NAA25: variants seen among roughly 807,000 people sequenced by gnomAD.
NAA25 encodes N-terminal acetyltransferase B complex subunit NAA25.
In NAA25, 30 loss-of-function variants were observed where a neutral mutation model predicts 132.5. That is an observed-to-expected ratio of 0.23 (90% CI 0.17 to 0.31). The LOEUF (loss-of-function observed/expected upper bound fraction) is 0.31, where lower values mean the gene tolerates loss of function less well. NAA25 is among the 10% of genes least tolerant of loss of function. The pLI, the probability that NAA25 is intolerant of heterozygous loss-of-function variation, is 1.00. For synonymous variants in NAA25, 359 were observed against 401.9 expected, an observed-to-expected ratio of 0.89 and a Z score of 1.28; for missense variants, 771 against 1,150.4, an observed-to-expected ratio of 0.67 and a Z score of 4.77.
chr12:112,058,424 C>T lies in NAA25; in HGVS notation c.1447+1846G>A, dbSNP rs978608560. Reference sequence around the variant, plus strand: ...ATGTGGGCACAGGCCAGATTATAAACAGCATTATAAACTATCCCAAAACAC... The same window carrying T: ...ATGTGGGCACAGGCCAGATTATAAATAGCATTATAAACTATCCCAAAACAC... On this transcript the variant is annotated intron_variant, in intron 13 of 23. Transcript: ENST00000261745. Among the ~76,000 whole-genome samples the T allele has an allele frequency of 4.6e-5, 7 of 152,218 alleles. 1 individual carries two copies. Among genetic ancestry groups the T allele is most frequent in the African/African-American group, 1.4e-4 (6 of 41,450 alleles).
At chr12:112,056,766 T>C (rs2078552454) in intron 13 of NAA25, among the ~76,000 whole-genome samples, 2 of 152,242 alleles carry the variant, frequency 1.3e-5, no homozygotes, top group South Asian at 2.1e-4. Flanking sequence ...CTTCACAAGA[T>C]CTACAATTTC....
At position 112,108,764 on chromosome 12, in the gene NAA25, G is replaced by T; in HGVS notation, c.10C>A (p.Arg4=). The change falls in exon 1 of 24, where the codon CGG becomes AGG. Residue 4 remains arginine, a synonymous_variant. Coordinates refer to ENST00000261745, the MANE Select transcript of NAA25 (RefSeq NM_024953.4). MAT[R]GHVQDPNDRR... is the part of the protein sequence containing the mutation. ...TCGTTAGGGTCCTGCACATGGCCCC[G>T]CGTCGCCATGATGACAAGCGCAGAA... 2.0e-6 allele frequency: 3 copies of T among 1,522,846 alleles called. No individual in the cohort carries two copies. The highest frequency in any genetic ancestry group is 2.7e-6 in the Non-Finnish European group (3 of 1,131,816). 94.3% of individuals were successfully genotyped at this position (1,522,846 alleles called of 1,614,324 possible).
intron 14 of NAA25, among the ~76,000 whole-genome samples, chr12:112,054,153 G>C (rs1259888859): frequency 6.6e-6 from 1 of 152,168 alleles, no homozygotes; most frequent in Non-Finnish European, 1.5e-5. Context: ...AAAGTATATA[G>C]GTGTTTGCTA....
chr12:112,087,086 T>A (rs970604533), intron 4 of NAA25, among the ~76,000 whole-genome samples: 7 of 152,016 alleles, frequency 4.6e-5, no homozygotes, highest in Admixed American at 4.6e-4. Context: ...TATATTTCTC[T>A]GAGATGTTAG....
chr12:112,108,654 G>C, intron 1 of NAA25, 62 bp downstream of exon 1: 1 of 1,374,558 alleles, frequency 7.3e-7, no homozygotes, highest in Non-Finnish European at 9.5e-7. Context: ...CTGGGCTTTC[G>C]CCCCAGCCTC....
chr12:112,090,619 A>G, intron 3 of NAA25, 107 bp downstream of exon 3: 1 of 1,136,594 alleles, frequency 8.8e-7, no homozygotes, highest in Non-Finnish European at 1.3e-6. Context: ...TATTCTACCT[A>G]CTGTATCCAT....
chr12:112,030,841 C>G (rs915047871), intron 23 of NAA25, among the ~76,000 whole-genome samples: 10 of 152,192 alleles, frequency 6.6e-5, no homozygotes, highest in African/African-American at 2.4e-4. Flanking sequence ...CCTAAAATGT[C>G]CAACAGCAGT....
At position 112,086,014 on chromosome 12, in the gene NAA25, CAAAAAAAAAAAAAAAAAA is replaced by C. The variant is rs566528517; in HGVS notation, c.402+1651_402+1668del. ...CCTGGGTGACAGAGTGAGACTGTCT[CAAAAAAAAAAAAAAAAAA>C]AAAAAAAAAAAAAAAAAAAATATAT... On this transcript the variant is annotated intron_variant, in intron 4 of 23. Transcript: ENST00000261745. 8.4e-3 allele frequency among the ~76,000 whole-genome samples: 100 copies of C among 11,948 alleles called. 2 individuals carry two copies. Among genetic ancestry groups the C allele is most frequent in the Admixed American group, 8.1e-3 (5 of 620 alleles). The allele number at this position is 11,948 out of a possible 152,430, so 7.8% of individuals were successfully genotyped here. A position where few individuals can be genotyped will look rare whatever the true frequency, so the allele number is the denominator to read the frequency against.
At chr12:112,058,291 T>C (rs1356911392) in intron 13 of NAA25, among the ~76,000 whole-genome samples, 1 of 152,074 alleles carries the variant, frequency 6.6e-6, no homozygotes, top group Non-Finnish European at 1.5e-5. Context: ...AAAACTTAGA[T>C]GAGGGAGGTA....
At chr12:112,057,098 G>T (rs2078557774) in intron 13 of NAA25, among the ~76,000 whole-genome samples, 1 of 152,148 alleles carries the variant, frequency 6.6e-6, no homozygotes, top group African/African-American at 2.4e-5. Context: ...TGAGGCAGGA[G>T]AATCGCTTGA....
At chr12:112,078,888 C>A in intron 5 of NAA25, 147 bp from the exon 6 acceptor site, 1 of 628,904 alleles carries the variant, frequency 1.6e-6, no homozygotes. Flanking sequence ...AGGTACATTA[C>A]GGAGCAGTTT....
At chr12:112,048,775 C>A (rs905062742) in intron 15 of NAA25, among the ~76,000 whole-genome samples, 3 of 152,096 alleles carry the variant, frequency 2.0e-5, no homozygotes, top group African/African-American at 7.2e-5. Context: ...TAGTGCCATT[C>A]TGGAAGGGAT....
intron 15 of NAA25, among the ~76,000 whole-genome samples, chr12:112,052,656 G>A (rs1312154891): frequency 6.6e-6 from 1 of 152,156 alleles, no homozygotes; most frequent in Admixed American, 6.5e-5. Flanking sequence ...ATGGAAGATA[G>A]ATTAGTCATC....
At chr12:112,071,763 G>C (rs1051324603) in intron 10 of NAA25, 132 bp downstream of exon 10, 1 of 591,372 alleles carries the variant, frequency 1.7e-6, no homozygotes. Context: ...CCATTCATTA[G>C]CAAATATTTT....
chr12:112,102,666 C>G (rs1242495811), intron 1 of NAA25, among the ~76,000 whole-genome samples: 2 of 151,752 alleles, frequency 1.3e-5, no homozygotes, highest in Non-Finnish European at 2.9e-5. Context: ...TTCCTGGGTT[C>G]AAGCATGCAC....
chr12:112,059,241 G>C (rs536857396), intron 13 of NAA25, among the ~76,000 whole-genome samples: 15 of 151,476 alleles, frequency 9.9e-5, no homozygotes, highest in Non-Finnish European at 1.5e-4. Context: ...CACTGCACTC[G>C]AGCCTGGGCA....
intron 1 of NAA25, among the ~76,000 whole-genome samples, chr12:112,095,294 G>A (rs1029632886): frequency 6.6e-6 from 1 of 151,868 alleles, no homozygotes; most frequent in Non-Finnish European, 1.5e-5. Flanking sequence ...AAAATTAGCC[G>A]GGCATGGTGG....
At chr12:112,032,281 T>TA (rs2078160235) in intron 23 of NAA25, among the ~76,000 whole-genome samples, 1 of 152,164 alleles carries the variant, frequency 6.6e-6, no homozygotes, top group African/African-American at 2.4e-5. Context: ...CTGCTTTTTT[T>TA]AATCAATCTT....
In NAA25 at chr12:112,078,734, G is replaced by A. The variant is rs1429805231; in HGVS notation, c.485C>T (p.Ser162Leu). 3 of 1,610,898 alleles carry A rather than the reference G, an allele frequency of 1.9e-6. No homozygotes were observed. The highest frequency in any genetic ancestry group is 1.1e-5 in the South Asian group (1 of 90,626). Residue 162 changes from serine to leucine, a missense_variant, in exon 6 of 24, where the codon TCG becomes TTG. Ser to Leu is a moderately radical substitution (Grantham distance 145, BLOSUM62 -2). Coordinates refer to ENST00000261745, the MANE Select transcript of NAA25 (RefSeq NM_024953.4). ...SVMSLIMQSI[S>L]AQDENLSKTM... is the part of the protein sequence containing the mutation. ...TTTTGAGAGGTTTTCATCCTGTGCC[G>A]ATATAGACTGAAAGAAGAAAAATAA...
Sources: allele counts gnomAD v4.1 joint callset (sites outside exome capture counted in the v4.1 genomes callset), GRCh38; gene constraint gnomAD v4.1.1; transcripts MANE v1.5; gene names NCBI Gene and HGNC (gene_info 2026-07-23, HGNC 2026-07-21).